The following TAB1 variants were observed in gnomAD, a reference collection of about 807,000 sequenced individuals.
TAB1 encodes TGF-beta-activated kinase 1 and MAP3K7-binding protein 1.
A neutral mutation model predicts 54.5 loss-of-function variants in TAB1; 30 were observed. The ratio of observed to expected loss-of-function variants is 0.55; its 90% CI spans 0.41 to 0.75. The LOEUF (loss-of-function observed/expected upper bound fraction) is 0.75, where lower values mean the gene tolerates loss of function less well. Among genes scored for constraint, TAB1 ranks in the 30% least tolerant of loss-of-function variants. The pLI is 0.00. For synonymous variants in TAB1, 289 were observed against 286.9 expected (o/e 1.01, Z -0.07); for missense variants, 609 against 683.2 (o/e 0.89, Z 1.21).
Position 39,430,310 on chromosome 22 carries a change from G to A in TAB1, c.*88G>A. The A allele has an allele frequency of 6.4e-7, 1 of 1,569,758 alleles. No homozygotes were observed. The highest frequency in any genetic ancestry group is 8.6e-7 in the Non-Finnish European group (1 of 1,162,702). On this transcript the variant is annotated 3_prime_UTR_variant, in exon 11 of 11. Coordinates refer to ENST00000216160, the MANE Select transcript of TAB1 (RefSeq NM_006116.3). ...CCTAACATCTGCCTGTGCCACAACG[G>A]CCAGCAGGTGCCCCATCCTCTGCCC... is the stretch of plus-strand genomic sequence containing the variant.
At chr22:39,432,813 C>G, downstream of TAB1, 1 of 985,580 alleles carries the variant, frequency 1.0e-6, no homozygotes, top group Middle Eastern at 5.2e-4. Context: ...TCCCCTGTCC[C>G]CAGCCTTGGT....
chr22:39,422,196 G>A (rs1927121963), intron 8 of TAB1, among the ~76,000 whole-genome samples: 1 of 152,174 alleles, frequency 6.6e-6, no homozygotes, highest in African/African-American at 2.4e-5. Context: ...GCCTGAGCAA[G>A]GTCTGAAGGG....
intron 1 of TAB1, among the ~76,000 whole-genome samples, chr22:39,405,653 C>T (rs1439356027): frequency 1.3e-5 from 2 of 152,202 alleles, no homozygotes; most frequent in African/African-American, 2.4e-5. Flanking sequence ...ATAGAAAGTA[C>T]ATGACCTTTC....
At chr22:39,423,380 G>A (rs993068994) in intron 8 of TAB1, among the ~76,000 whole-genome samples, 19 of 152,190 alleles carry the variant, frequency 1.2e-4, no homozygotes, top group Non-Finnish European at 2.5e-4. Flanking sequence ...CGAGGCAGGC[G>A]GATCACTTGA....
intron 1 of TAB1, among the ~76,000 whole-genome samples, chr22:39,405,471 C>T (rs1323529702): frequency 1.3e-5 from 2 of 152,230 alleles, no homozygotes; most frequent in Non-Finnish European, 2.9e-5. Context: ...GCAGTGGCTC[C>T]GCGATGAGGC....
intron 7 of TAB1, among the ~76,000 whole-genome samples, chr22:39,420,680 A>G (rs576138210): frequency 5.3e-5 from 8 of 152,080 alleles, no homozygotes; most frequent in Admixed American, 5.2e-4. Context: ...TTCCTACACC[A>G]CACTCTAGGA....
intron 1 of TAB1, among the ~76,000 whole-genome samples, chr22:39,405,199 A>T (rs34964352): frequency 6.6e-6 from 1 of 152,194 alleles, no homozygotes; most frequent in Non-Finnish European, 1.5e-5. Context: ...CTATTATGTG[A>T]CATGGACACA....
At chr22:39,412,682 A>G (rs1208434218) in intron 1 of TAB1, among the ~76,000 whole-genome samples, 2 of 152,178 alleles carry the variant, frequency 1.3e-5, no homozygotes, top group Non-Finnish European at 2.9e-5. Flanking sequence ...CAGAAGCTAC[A>G]ATTTGCCACA....
downstream of TAB1, chr22:39,436,783 ATCT>A (rs1433067395): frequency 5.2e-6 from 3 of 580,446 alleles, no homozygotes; most frequent in Non-Finnish European, 6.1e-6. Context: ...GCTCACTCTC[ATCT>A]TCTTTCCAGG....
downstream of TAB1, chr22:39,432,654 G>A (rs1927630672): frequency 8.2e-6 from 6 of 728,470 alleles, no homozygotes; most frequent in South Asian, 6.2e-5. Flanking sequence ...GAGAGAGAGA[G>A]AGAGACATGG....
At chr22:39,423,877 G>A (rs538192565) in intron 8 of TAB1, among the ~76,000 whole-genome samples, 4 of 151,712 alleles carry the variant, frequency 2.6e-5, no homozygotes, top group African/African-American at 9.7e-5. Flanking sequence ...TGTAACTAAT[G>A]TATAGTGTTT....
chr22:39,421,916 C>T lies in TAB1; in HGVS notation c.866C>T (p.Ser289Leu). The T allele has an allele frequency of 1.2e-6, 2 of 1,611,558 alleles. No homozygotes were observed. Among genetic ancestry groups the T allele is most frequent in the Non-Finnish European group, 1.7e-6 (2 of 1,178,812 alleles). The change falls in exon 8 of 11, where the codon TCG (serine) becomes TTG (leucine). Residue 289 changes from serine to leucine, a missense_variant. Physicochemically the swap from Ser to Leu is moderately radical, Grantham distance 145 (BLOSUM62 -2). Coordinates refer to ENST00000216160, the MANE Select transcript of TAB1 (RefSeq NM_006116.3). ...DGVTGFLVLM[S>L]EGLYKALEAA... is the part of the protein sequence containing the mutation. ...GTGACGGGCTTCTTGGTGCTGATGTCGGAGGGGTTGTACAAGGCCCTAGAG... is the reference window on the plus strand; with the variant it reads ...GTGACGGGCTTCTTGGTGCTGATGTTGGAGGGGTTGTACAAGGCCCTAGAG...
At chr22:39,419,378 C>G (rs890191375) in intron 6 of TAB1, 141 bp from the exon 7 acceptor site, 15 of 617,548 alleles carry the variant, frequency 2.4e-5, no homozygotes, top group Admixed American at 6.2e-5. Flanking sequence ...GTCAGCTGCT[C>G]TCCCAGGTGC....
intron 3 of TAB1, among the ~76,000 whole-genome samples, 200 bp from the exon 4 acceptor site, chr22:39,416,591 T>C (rs1926843018): frequency 6.6e-6 from 1 of 152,252 alleles, no homozygotes. Context: ...TGAAGGGCTT[T>C]GTCAAAGACA....
downstream of TAB1, chr22:39,432,461 C>T (rs1357940074): frequency 6.6e-6 from 1 of 152,342 alleles, no homozygotes; most frequent in African/African-American, 2.4e-5. Flanking sequence ...AAGCCACTCT[C>T]TGTCTGGTGT....
downstream of TAB1, among the ~76,000 whole-genome samples, chr22:39,433,996 A>G (rs890617060): frequency 8.0e-5 from 12 of 150,286 alleles, no homozygotes; most frequent in African/African-American, 2.5e-4. Flanking sequence ...CTCTTATTCC[A>G]CTAGGTCCCA....
chr22:39,406,445 CT>C (rs1354229218), intron 1 of TAB1, among the ~76,000 whole-genome samples: 1 of 143,944 alleles, frequency 6.9e-6, no homozygotes, highest in Non-Finnish European at 1.5e-5. Context: ...AAGATAGTTT[CT>C]TGAAGATGGT....
chr22:39,421,603 C>A, intron 7 of TAB1: 1 of 568,640 alleles, frequency 1.8e-6, no homozygotes, highest in Non-Finnish European at 3.1e-6. Flanking sequence ...CCATCCTGAC[C>A]TCAGCTGCCT....
At chr22:39,399,891 G>A (rs1926052343) in intron 1 of TAB1, 56 bp downstream of exon 1, 1 of 1,550,294 alleles carries the variant, frequency 6.5e-7, no homozygotes, top group Non-Finnish European at 8.7e-7. Context: ...CGGGGGTGCT[G>A]TCGGGTGCAG....
Sources: allele counts gnomAD v4.1 joint callset (sites outside exome capture counted in the v4.1 genomes callset), GRCh38; gene constraint gnomAD v4.1.1; transcripts MANE v1.5; gene names NCBI Gene and HGNC (gene_info 2026-07-23, HGNC 2026-07-21).